Variants in TAF4 observed in about 807,000 individuals in gnomAD.
The protein encoded by TAF4 is transcription initiation factor TFIID subunit 4.
TAF4 carries 9 observed loss-of-function variants against 90.3 expected under a neutral mutation model. That is an observed-to-expected ratio of 0.10 (90% CI 0.06 to 0.17). TAF4 has a LOEUF of 0.17. Among genes scored for constraint, TAF4 ranks in the 10% least tolerant of loss-of-function variants. The pLI, the probability that TAF4 is intolerant of heterozygous loss-of-function variation, is 1.00. For synonymous variants in TAF4, 818 were observed against 638.9 expected (o/e 1.28, Z -4.23); for missense variants, 1,351 against 1,370.7 (o/e 0.99, Z 0.23).
intron 1 of TAF4, among the ~76,000 whole-genome samples, chr20:62,030,528 C>T (rs1038107081): frequency 1.3e-5 from 2 of 152,238 alleles, no homozygotes; most frequent in Non-Finnish European, 2.9e-5. Context: ...CACCCCACTG[C>T]GGCCTGTCGT....
chr20:61,984,333 G>A (rs983919887), intron 14 of TAF4, among the ~76,000 whole-genome samples: 8 of 152,142 alleles, frequency 5.3e-5, no homozygotes, highest in African/African-American at 1.7e-4. Flanking sequence ...GGGGGACTTG[G>A]CAAAACCTAA....
At chr20:62,060,105 T>G (rs1428634935) in intron 1 of TAF4, among the ~76,000 whole-genome samples, 4 of 152,202 alleles carry the variant, frequency 2.6e-5, no homozygotes, top group African/African-American at 7.2e-5. Context: ...TGTGCTGATG[T>G]CTAAGGGGCA....
chr20:62,014,570 G>A lies in TAF4; in HGVS notation c.1498C>T (p.Pro500Ser), dbSNP rs2055802369. 1.2e-6 allele frequency: 2 copies of A among 1,613,516 alleles called. No homozygotes were observed. Among genetic ancestry groups the A allele is most frequent in the Admixed American group, 1.7e-5 (1 of 59,912 alleles). The change falls in exon 2 of 15, where the codon CCC becomes TCC. Residue 500 changes from proline (P) to serine (S), a missense_variant. Physicochemically the swap from Pro to Ser is moderately conservative, Grantham distance 74. This residue lies in a region of TAF4 where 143 missense variants were observed against 176.3 expected (regional missense o/e 0.81). Coordinates refer to ENST00000252996, the MANE Select transcript of TAF4 (RefSeq NM_003185.4). ...ACCTGTACGGTGGAGATCTGGACGG[G>A]AGGGGCACTTGTGGGGGTGGCAGGG... is the stretch of plus-strand genomic sequence containing the variant. The part of the protein sequence containing the change: ...PRPATPTSAP[P>S]VQISTVQAPG...
chr20:62,016,689 C>T (rs2055813843), intron 1 of TAF4, among the ~76,000 whole-genome samples: 1 of 152,216 alleles, frequency 6.6e-6, no homozygotes, highest in African/African-American at 2.4e-5. Flanking sequence ...GGGACTTCAC[C>T]TTGTGATCCT....
intron 1 of TAF4, among the ~76,000 whole-genome samples, chr20:62,025,543 G>T (rs1017072317): frequency 5.9e-5 from 9 of 152,182 alleles, no homozygotes; most frequent in African/African-American, 1.9e-4. Flanking sequence ...CGGTTCTCAT[G>T]ATAGCGAGTG....
At chr20:62,001,784 GCT>G (rs1411195170) in intron 9 of TAF4, among the ~76,000 whole-genome samples, 1 of 152,174 alleles carries the variant, frequency 6.6e-6, no homozygotes, top group Non-Finnish European at 1.5e-5. Flanking sequence ...CATGTCCACT[GCT>G]CTCTGACACA....
In TAF4 at chr20:61,976,656, C is replaced by A. The variant is rs369791511; in HGVS notation, c.3091-321G>T. Among the ~76,000 whole-genome samples, 13 of 152,330 alleles carry A rather than the reference C, an allele frequency of 8.5e-5. No homozygotes were observed. The East Asian group carries it at 1.9e-3, about 23-fold the overall frequency. ...ACCCAAGGCAAATGGCTGAGCGGCC[C>A]CAGGGCCACCCTCCATGTGACCACA... On this transcript the variant is annotated intron_variant, in intron 14 of 14. Transcript: ENST00000252996.
At chr20:61,999,299 C>T (rs1048967942) in intron 11 of TAF4, among the ~76,000 whole-genome samples, 191 bp from the exon 12 acceptor site, 12 of 152,120 alleles carry the variant, frequency 7.9e-5, no homozygotes, top group Admixed American at 3.9e-4. Context: ...GTCCACAGAA[C>T]GAAGTCTCGT....
chr20:61,976,367 A>C, intron 14 of TAF4, 32 bp from the exon 15 acceptor site: 1 of 1,609,296 alleles, frequency 6.2e-7, no homozygotes, highest in Non-Finnish European at 8.5e-7. Context: ...ACAGTGTGTT[A>C]GTGGGGCTCA....
intron 1 of TAF4, among the ~76,000 whole-genome samples, chr20:62,057,670 G>C (rs867262239): frequency 3.6e-4 from 28 of 78,580 alleles, no homozygotes; most frequent in African/African-American, 4.2e-4. Context: ...GGCTCGGGGG[G>C]CCAACCTCAG....
Position 62,064,938 on chromosome 20 carries a change from C to CG in TAF4, c.872dup (p.Thr292AspfsTer170). 1 of 512,112 alleles carries CG rather than the reference C, an allele frequency of 2.0e-6. No individual in the cohort carries two copies. Among genetic ancestry groups the CG allele is most frequent in the Non-Finnish European group, 2.4e-6 (1 of 421,668 alleles). The allele number at this position is 512,112 out of a possible 1,614,324, so 31.7% of individuals were successfully genotyped here. A position where few individuals can be genotyped will look rare whatever the true frequency, so the allele number is the denominator to read the frequency against. ...GGGGCGGCACGGCGGGCGCGGCGGT[C>CG]GGGGGTCCGGCGGGGTGGCCGGGCG... is the stretch of plus-strand genomic sequence containing the variant. On this transcript the variant is annotated frameshift_variant, in exon 1 of 15. Coordinates refer to ENST00000252996, the MANE Select transcript of TAF4 (RefSeq NM_003185.4). LOFTEE classifies it high-confidence loss of function.
intron 14 of TAF4, among the ~76,000 whole-genome samples, chr20:61,989,365 G>C (rs888030635): frequency 4.6e-5 from 7 of 152,138 alleles, no homozygotes; most frequent in African/African-American, 1.7e-4. Flanking sequence ...CCACAGACGA[G>C]GGAAGTGTCA....
At chr20:61,989,888 T>A (rs1244548854) in intron 14 of TAF4, among the ~76,000 whole-genome samples, 3 of 152,098 alleles carry the variant, frequency 2.0e-5, no homozygotes, top group African/African-American at 7.2e-5. Flanking sequence ...GCCTGAAGCA[T>A]CCCCACGACT....
chr20:62,024,947 G>C (rs188486616), intron 1 of TAF4, among the ~76,000 whole-genome samples: 3 of 151,784 alleles, frequency 2.0e-5, no homozygotes, highest in African/African-American at 4.8e-5. Flanking sequence ...CACACGGAGA[G>C]AGCCCCAACA....
In TAF4 at chr20:62,028,913, T is replaced by C. The variant is rs77449165; in HGVS notation, c.1361-14206A>G. 4.5e-3 allele frequency among the ~76,000 whole-genome samples: 683 copies of C among 152,266 alleles called. 3 individuals carry two copies. Among genetic ancestry groups the C allele is most frequent in the African/African-American group, 0.016 (660 of 41,546 alleles). Reference sequence around the variant, plus strand: ...GCTTTGCTCAAAACTTAGGAATTCATGGGCCAGGCGCAGTGGCTCACACCT... The same window carrying C: ...GCTTTGCTCAAAACTTAGGAATTCACGGGCCAGGCGCAGTGGCTCACACCT... On this transcript the variant is annotated intron_variant, in intron 1 of 14. Transcript: ENST00000252996.
intron 1 of TAF4, among the ~76,000 whole-genome samples, chr20:62,036,789 A>G (rs557903794): frequency 1.3e-5 from 2 of 152,378 alleles, no homozygotes; most frequent in East Asian, 1.9e-4. Flanking sequence ...AAGAAGGTGC[A>G]TAGACTGAAT....
Position 62,006,370 on chromosome 20 carries a change from G to T in TAF4, c.2223+140C>A. ...TCTGGTTTCTATTTTAACTATTTAA[G>T]GTAATACCCAAGCTTCCTCTAGCAG... On this transcript the variant is annotated intron_variant, in intron 7 of 14. Transcript: ENST00000252996. This position sits in a 1 kb window ranked among gnomAD's most constrained non-coding sequence, Gnocchi z 7.0. The T allele has an allele frequency of 8.8e-7, 1 of 1,140,776 alleles. No individual in the cohort carries two copies. The highest frequency in any genetic ancestry group is 1.1e-6 in the Non-Finnish European group (1 of 884,896). The allele number at this position is 1,140,776 out of a possible 1,614,324, so 70.7% of individuals were successfully genotyped here. A position where few individuals can be genotyped will look rare whatever the true frequency, so the allele number is the denominator to read the frequency against.
intron 1 of TAF4, among the ~76,000 whole-genome samples, chr20:62,062,872 T>TG (rs2056097190): frequency 6.6e-6 from 1 of 152,120 alleles, no homozygotes; most frequent in African/African-American, 2.4e-5. Flanking sequence ...CCCAAAGGGG[T>TG]GCAACAGGCA....
At chr20:61,990,699 AC>A (rs1446341832) in intron 14 of TAF4, among the ~76,000 whole-genome samples, 1 of 152,228 alleles carries the variant, frequency 6.6e-6, no homozygotes, top group African/African-American at 2.4e-5. Context: ...ACAGGGCCTC[AC>A]GCAGGAGAGA....
Sources: gnomAD v4.1 joint callset for allele counts (sites outside exome capture counted in the v4.1 genomes callset) on GRCh38, gnomAD v4.1.1 for gene constraint, gnomAD v4.1.1 regional missense constraint, Gnocchi (gnomAD v3.1) non-coding constraint, MANE v1.5 for transcripts, NCBI Gene and HGNC (gene_info 2026-07-23, HGNC 2026-07-21) for gene names.